The following OLFM3 variants were observed in gnomAD, a reference collection of about 807,000 sequenced individuals.
OLFM3 encodes the protein olfactomedin 3.
Under a neutral mutation model 48.6 loss-of-function variants are expected in OLFM3, and 20 were observed. That is an observed-to-expected ratio of 0.41 (90% CI 0.29 to 0.60). OLFM3 has a LOEUF of 0.60. Among genes scored for constraint, OLFM3 ranks in the 20% least tolerant of loss-of-function variants. OLFM3 has a pLI of 0.28. For missense variants in OLFM3, 437 were observed against 544.3 expected, an observed-to-expected ratio of 0.80 and a Z score of 1.96; for synonymous variants, 222 against 198.1, an observed-to-expected ratio of 1.12 and a Z score of -1.01.
chr1:101,809,019 G>T (rs57891702), intron 4 of OLFM3, among the ~76,000 whole-genome samples: 1 of 151,396 alleles, frequency 6.6e-6, no homozygotes, highest in African/African-American at 2.4e-5. Context: ...AAGATAAAAA[G>T]AGTTATCTCC....
intron 1 of OLFM3, among the ~76,000 whole-genome samples, chr1:101,846,040 T>A (rs1489281768): frequency 6.6e-6 from 1 of 152,232 alleles, no homozygotes; most frequent in East Asian, 1.9e-4. Context: ...AAGAAATTCC[T>A]TTTATTTGAA....
chr1:101,947,900 C>A (rs1156424402), intron 1 of OLFM3, among the ~76,000 whole-genome samples: 3 of 152,062 alleles, frequency 2.0e-5, no homozygotes, highest in African/African-American at 4.8e-5. Context: ...AGAATGATTC[C>A]TGGCACAAGT....
intron 1 of OLFM3, among the ~76,000 whole-genome samples, chr1:101,944,223 C>G (rs7515634): frequency 0.41 from 62,624 of 151,854 alleles, 13,271 homozygotes; most frequent in East Asian, 0.51. Context: ...AGGAAAGTAA[C>G]CTCTGAAAAT....
chr1:101,857,870 A>G (rs1656493287), intron 1 of OLFM3, among the ~76,000 whole-genome samples: 1 of 152,088 alleles, frequency 6.6e-6, no homozygotes, highest in Admixed American at 6.5e-5. Flanking sequence ...TTAAGCACAG[A>G]TCATTGTAAT....
chr1:101,867,659 T>C (rs2100971771), intron 1 of OLFM3, among the ~76,000 whole-genome samples: 1 of 152,366 alleles, frequency 6.6e-6, no homozygotes, highest in South Asian at 2.1e-4. Context: ...ATGTGAATTC[T>C]GCCTCTACTA....
chr1:101,843,475 A>G (rs774960492), intron 1 of OLFM3, among the ~76,000 whole-genome samples: 13 of 152,188 alleles, frequency 8.5e-5, no homozygotes, highest in Non-Finnish European at 1.6e-4. Flanking sequence ...CTCTGCTCAG[A>G]AACCAATGCC....
At chr1:101,971,126 T>C in intron 1 of OLFM3, among the ~76,000 whole-genome samples, 1 of 152,226 alleles carries the variant, frequency 6.6e-6, no homozygotes, top group East Asian at 1.9e-4. Context: ...CTCACAGCAG[T>C]GCTGATGGCC....
chr1:101,815,200 G>T (rs1654269900), intron 4 of OLFM3, among the ~76,000 whole-genome samples: 1 of 152,006 alleles, frequency 6.6e-6, no homozygotes, highest in Non-Finnish European at 1.5e-5. Context: ...AAGGTTATCA[G>T]TTTTGGGAGG....
chr1:101,819,878 T>C (rs1417429747), intron 4 of OLFM3, among the ~76,000 whole-genome samples: 8 of 152,080 alleles, frequency 5.3e-5, no homozygotes, highest in Admixed American at 2.6e-4. Context: ...TACTAATGCC[T>C]AACCCAGAGT....
chr1:101,981,862 G>A (rs1323067380), intron 1 of OLFM3, among the ~76,000 whole-genome samples: 1 of 151,960 alleles, frequency 6.6e-6, no homozygotes, highest in Non-Finnish European at 1.5e-5. Flanking sequence ...TTTATAGAAT[G>A]AGTAAAATAA....
intron 1 of OLFM3, among the ~76,000 whole-genome samples, chr1:101,976,126 A>C (rs747022924): frequency 6.6e-6 from 1 of 152,226 alleles, no homozygotes; most frequent in Non-Finnish European, 1.5e-5. Flanking sequence ...GATACAGTCA[A>C]TTTGCAATTG....
At chr1:101,827,464 C>G (rs1335335101) in intron 3 of OLFM3, among the ~76,000 whole-genome samples, 2 of 152,018 alleles carry the variant, frequency 1.3e-5, no homozygotes, top group African/African-American at 4.8e-5. Context: ...GGACTACAAG[C>G]GCCTGCCACC....
chr1:101,831,442 C>G (rs1484713237), intron 2 of OLFM3, among the ~76,000 whole-genome samples: 1 of 152,144 alleles, frequency 6.6e-6, no homozygotes, highest in African/African-American at 2.4e-5. Flanking sequence ...GACTTAAACA[C>G]ATTTTAAGCC....
At chr1:101,872,136 A>G (rs1041632496) in intron 1 of OLFM3, among the ~76,000 whole-genome samples, 1 of 152,038 alleles carries the variant, frequency 6.6e-6, no homozygotes, top group East Asian at 1.9e-4. Flanking sequence ...GAAGCATAGG[A>G]AGGTGAAGAT....
intron 1 of OLFM3, among the ~76,000 whole-genome samples, chr1:101,876,212 C>A (rs1295016000): frequency 1.3e-5 from 2 of 151,964 alleles, no homozygotes; most frequent in African/African-American, 4.8e-5. Context: ...TATCTTCCCA[C>A]AACTCTCTTC....
At chr1:101,833,363 T>C (rs1655256181) in intron 2 of OLFM3, among the ~76,000 whole-genome samples, 1 of 152,180 alleles carries the variant, frequency 6.6e-6, no homozygotes, top group South Asian at 2.1e-4. Context: ...GTCTTAAGCA[T>C]CTCTTGCTGG....
rs182218557 is a variant in OLFM3 at position 101,924,152 on chromosome 1, C to A, written c.69+72596G>T. ...TTTTGCTTAGAAAATGAACCAGCTT[C>A]GTTAAATTTAAACATCAATTGACAC... On this transcript the variant is annotated intron_variant, in intron 1 of 5. Coordinates refer to ENST00000370103, the MANE Select transcript of OLFM3 (RefSeq NM_058170.4). 9.9e-5 allele frequency among the ~76,000 whole-genome samples: 15 copies of A among 152,194 alleles called. No homozygotes were observed. The East Asian group carries it at 2.3e-3, about 24-fold the overall frequency.
At chr1:101,816,221 A>G (rs889494713) in intron 4 of OLFM3, among the ~76,000 whole-genome samples, 3 of 152,196 alleles carry the variant, frequency 2.0e-5, no homozygotes, top group Non-Finnish European at 2.9e-5. Context: ...GAACGTAACC[A>G]AAGTAGCAGC....
intron 1 of OLFM3, among the ~76,000 whole-genome samples, chr1:101,880,646 G>A (rs781693490): frequency 6.6e-6 from 1 of 151,780 alleles, no homozygotes; most frequent in African/African-American, 2.4e-5. Flanking sequence ...CCTAGAGGTA[G>A]TTGTTAATAA....
Sources: gnomAD v4.1 joint callset for allele counts (sites outside exome capture counted in the v4.1 genomes callset) on GRCh38, gnomAD v4.1.1 for gene constraint, MANE v1.5 for transcripts, NCBI Gene and HGNC (gene_info 2026-07-23, HGNC 2026-07-21) for gene names.